Variants in UVRAG observed in about 807,000 individuals in gnomAD.
UVRAG encodes the protein UV radiation resistance associated, also known as UV radiation resistance-associated gene protein.
A neutral mutation model predicts 78.0 loss-of-function variants in UVRAG; 19 were observed. The ratio of observed to expected loss-of-function variants is 0.24; its 90% confidence interval spans 0.17 to 0.36. The LOEUF (loss-of-function observed/expected upper bound fraction) is 0.36, where lower values mean the gene tolerates loss of function less well. Among genes scored for constraint, UVRAG ranks in the 10% least tolerant of loss-of-function variants. The probability of loss-of-function intolerance (pLI) is 1.00; values close to 1 mark genes in which losing one functional copy is unlikely to be tolerated. For missense variants in UVRAG, 740 were observed against 853.8 expected (o/e 0.87, Z 1.66); for synonymous variants, 323 against 324.6 (o/e 1.00, Z 0.05).
chr11:76,042,466 A>C (rs1950666218), intron 12 of UVRAG, among the ~76,000 whole-genome samples: 2 of 152,182 alleles, frequency 1.3e-5, no homozygotes, highest in African/African-American at 4.8e-5. Flanking sequence ...GTTTCTCAAG[A>C]GGTCCCTATT....
Position 76,058,532 on chromosome 11 carries a change from TC to T in UVRAG, c.1227-7176del, listed in dbSNP as rs201602843. ...CTGGGAGACAGAGCAAGACCCTATC[TC>T]CAAAAAAAAAAAAAAAAAAAATTAT... is the stretch of plus-strand genomic sequence containing the variant. On this transcript the variant is annotated intron_variant, in intron 12 of 14. Transcript: ENST00000356136. Among the ~76,000 whole-genome samples the T allele has an allele frequency of 8.8e-3, 643 of 72,986 alleles. 9 individuals carry two copies. The highest frequency in any genetic ancestry group is 0.029 in the African/African-American group (611 of 21,064). 47.9% of individuals were successfully genotyped at this position (72,986 alleles called of 152,430 possible).
rs749387452 is a variant in UVRAG, at chr11:75,964,628, C to T, written c.699+3079C>T. Among the ~76,000 whole-genome samples, 12 of 152,202 alleles carry T rather than the reference C, an allele frequency of 7.9e-5. No homozygotes were observed. In the East Asian group the frequency reaches 1.9e-3, roughly 25 times the overall value. On this transcript the variant is annotated intron_variant, in intron 7 of 14. Coordinates refer to ENST00000356136, the MANE Select transcript of UVRAG (RefSeq NM_003369.4). The stretch of plus-strand genomic sequence containing the variant: ...TAATAAGTATCAGTTTAGGGCTGGG[C>T]GTGGTGGCCCACGCCTGTAATCCCA...
intron 3 of UVRAG, 102 bp downstream of exon 3, chr11:75,861,882 A>G: frequency 1.0e-6 from 1 of 972,382 alleles, no homozygotes. Context: ...TGGTTTTATG[A>G]TACTTTAACG....
At chr11:75,866,319 A>T (rs550234376) in intron 3 of UVRAG, among the ~76,000 whole-genome samples, 57 of 152,164 alleles carry the variant, frequency 3.7e-4, no homozygotes, top group African/African-American at 1.3e-3. Flanking sequence ...CAGGAGCTTG[A>T]GATCAGCCTG....
At chr11:76,023,001 T>C (rs1950272635) in intron 12 of UVRAG, among the ~76,000 whole-genome samples, 1 of 152,212 alleles carries the variant, frequency 6.6e-6, no homozygotes, top group Admixed American at 6.5e-5. Flanking sequence ...TTTGAACTGA[T>C]ACCAGTTAGC....
intron 6 of UVRAG, among the ~76,000 whole-genome samples, chr11:75,954,733 T>C (rs1252587943): frequency 1.3e-5 from 2 of 152,198 alleles, no homozygotes; most frequent in Non-Finnish European, 2.9e-5. Flanking sequence ...GAAGATGAAA[T>C]TTATTTTTCC....
intron 13 of UVRAG, among the ~76,000 whole-genome samples, chr11:76,092,527 A>C (rs2134429919): frequency 6.6e-6 from 1 of 152,294 alleles, no homozygotes. Context: ...AATGATCGCC[A>C]TTCTAATTGG....
At chr11:76,043,835 TG>T (rs2134335897) in intron 12 of UVRAG, among the ~76,000 whole-genome samples, 1 of 152,344 alleles carries the variant, frequency 6.6e-6, no homozygotes, top group Non-Finnish European at 1.5e-5. Context: ...ATACACACTG[TG>T]GTGTAAGACC....
In UVRAG at chr11:76,134,540, A is replaced by G. The variant is rs915640405; in HGVS notation, c.1398-6171A>G. Among the ~76,000 whole-genome samples the G allele has an allele frequency of 1.4e-4, 21 of 152,284 alleles. 3 individuals are homozygous for G. Among genetic ancestry groups the G allele is most frequent in the Admixed American group, 1.2e-3 (18 of 15,302 alleles). ...GTTCCTGCTTGAAACAGTATGCTGT[A>G]TAAGAGAAACAGTAAAGGGAAGGAG... On this transcript the variant is annotated intron_variant, in intron 14 of 14. Transcript: ENST00000356136.
intron 2 of UVRAG, 79 bp downstream of exon 2, chr11:75,852,079 T>G: frequency 2.0e-6 from 2 of 1,017,386 alleles, no homozygotes; most frequent in East Asian, 5.0e-5. Flanking sequence ...TCTCAGTGCC[T>G]CCTGCTTTTG....
At chr11:76,138,034 AG>A (rs1414400011) in intron 14 of UVRAG, among the ~76,000 whole-genome samples, 1 of 152,256 alleles carries the variant, frequency 6.6e-6, no homozygotes, top group African/African-American at 2.4e-5. Flanking sequence ...GAACTGGAGA[AG>A]AATGTCACAA....
At chr11:75,938,052 AAT>A (rs1565388798) in intron 6 of UVRAG, among the ~76,000 whole-genome samples, 1 of 151,912 alleles carries the variant, frequency 6.6e-6, no homozygotes, top group Non-Finnish European at 1.5e-5. Context: ...ATCCTTTAAA[AAT>A]ATGTGTGTGT....
chr11:75,900,215 G>A lies in UVRAG; in HGVS notation c.507+11312G>A, dbSNP rs11236577. ...CAGAGTTCGACTTGTTCTCACCAGG[G>A]GATTCAGAGAGTTTAAAATTTTGTT... On this transcript the variant is annotated intron_variant, in intron 5 of 14. Transcript: ENST00000356136. Among the ~76,000 whole-genome samples, 47 of 152,188 alleles carry A rather than the reference G, an allele frequency of 3.1e-4. No individual in the cohort carries two copies. The East Asian group carries it at 8.7e-3, about 28-fold the overall frequency.
At chr11:76,131,097 T>C (rs1378659234) in intron 14 of UVRAG, among the ~76,000 whole-genome samples, 1 of 152,184 alleles carries the variant, frequency 6.6e-6, no homozygotes. Context: ...AAGCCCTATA[T>C]AAATGACATC....
intron 6 of UVRAG, among the ~76,000 whole-genome samples, chr11:75,949,737 A>T (rs1948652549): frequency 6.7e-6 from 1 of 148,226 alleles, no homozygotes. Flanking sequence ...ACACATATAC[A>T]CATATATATA....
At chr11:75,871,527 G>A (rs1309835545) in intron 3 of UVRAG, among the ~76,000 whole-genome samples, 5 of 151,460 alleles carry the variant, frequency 3.3e-5, no homozygotes, top group African/African-American at 1.2e-4. Flanking sequence ...CAAGTGATCC[G>A]CCCACCTTGG....
rs755936183 is a variant in UVRAG, at chr11:75,991,455, A to G, written c.826+7942A>G. Among the ~76,000 whole-genome samples, 6 of 152,310 alleles carry G rather than the reference A, an allele frequency of 3.9e-5. No homozygotes were observed. The East Asian group carries it at 1.2e-3, about 29-fold the overall frequency. ...ATAGTAGCAATAATGTATCCAGTAC[A>G]GTGCTTATTACTATAAATATGTAAT... On this transcript the variant is annotated intron_variant, in intron 8 of 14. Transcript: ENST00000356136.
chr11:75,989,815 CT>C (rs1312815651), intron 8 of UVRAG, among the ~76,000 whole-genome samples: 2 of 152,014 alleles, frequency 1.3e-5, no homozygotes, highest in African/African-American at 4.8e-5. Context: ...AGGGCAGGGA[CT>C]TTGCACTTTT....
intron 13 of UVRAG, among the ~76,000 whole-genome samples, chr11:76,085,356 G>A (rs151020434): frequency 6.6e-6 from 1 of 152,248 alleles, no homozygotes; most frequent in Non-Finnish European, 1.5e-5. Flanking sequence ...AAATTGTGCT[G>A]GGATTGTCTG....
Sources: allele counts gnomAD v4.1 joint callset (sites outside exome capture counted in the v4.1 genomes callset), GRCh38; gene constraint gnomAD v4.1.1; transcripts MANE v1.5; gene names NCBI Gene and HGNC (gene_info 2026-07-23, HGNC 2026-07-21).